The following SLC4A9 variants were observed in gnomAD, a reference collection of about 807,000 sequenced individuals.
SLC4A9 encodes the protein solute carrier family 4 member 9.
Under a neutral mutation model 103.2 loss-of-function variants are expected in SLC4A9, and 102 were observed. The observed-to-expected ratio is 0.99, with a 90% CI of 0.84 to 1.17. The LOEUF is 1.17. SLC4A9 is among the 50% of genes most tolerant of loss of function. SLC4A9 has a pLI of 0.00. For synonymous variants in SLC4A9, 453 were observed against 483.6 expected (o/e 0.94, Z 0.83); for missense variants, 1,091 against 1,193.7 (o/e 0.91, Z 1.27).
Position 140,363,376 on chromosome 5 carries a change from T to G in SLC4A9, c.963-63T>G. 6.9e-7 allele frequency: 1 copy of G among 1,459,214 alleles called. No homozygotes were observed. 90.4% of individuals were successfully genotyped at this position (1,459,214 alleles called of 1,614,324 possible). ...CGCTAGGGGGCAGGGCGCCACGAGC[T>G]CTGGACCGAGTCGCAGACTGGTTGG... On this transcript the variant is annotated intron_variant, in intron 7 of 21. Coordinates refer to ENST00000506757, the MANE Select transcript of SLC4A9 (RefSeq NM_031467.3). The surrounding 1 kb of genome is among the most constrained non-coding windows in gnomAD (Gnocchi z 4.5).
Position 140,372,815 on chromosome 5 carries a change from G to C in SLC4A9, c.*17G>C, listed in dbSNP as rs1222519269. 6.4e-7 allele frequency: 1 copy of C among 1,552,478 alleles called. No individual in the cohort carries two copies. Among genetic ancestry groups the C allele is most frequent in the Non-Finnish European group, 8.7e-7 (1 of 1,147,826 alleles). Reference sequence around the variant, plus strand: ...GTGAATTAGCTGGAGTAGGAGTCTGGGAGTGGAGACCCCAGGAAACAGCAT... The same window carrying C: ...GTGAATTAGCTGGAGTAGGAGTCTGCGAGTGGAGACCCCAGGAAACAGCAT... On this transcript the variant is annotated 3_prime_UTR_variant, in exon 21 of 22. Coordinates refer to ENST00000506757, the MANE Select transcript of SLC4A9 (RefSeq NM_031467.3).
rs534920993 is a variant in SLC4A9, at chr5:140,374,426, G to A, written c.*46-401G>A. ...AATACAAAAATTAGCTGGGTGTGGT[G>A]GCAGACACCTGTAATCCCAGCTACT... On this transcript the variant is annotated intron_variant, in intron 21 of 21. Transcript: ENST00000506757. 2.6e-5 allele frequency among the ~76,000 whole-genome samples: 4 copies of A among 151,612 alleles called. No individual in the cohort carries two copies. The East Asian group carries it at 7.8e-4, about 30-fold the overall frequency.
chr5:140,360,709 C>G, intron 1 of SLC4A9, 103 bp from the exon 2 acceptor site: 1 of 1,553,326 alleles, frequency 6.4e-7, no homozygotes, highest in Admixed American at 1.9e-5. Context: ...CCACTGGGCC[C>G]AGGATGCCCT....
intron 21 of SLC4A9, among the ~76,000 whole-genome samples, chr5:140,374,331 G>A (rs531278789): frequency 8.9e-4 from 135 of 152,082 alleles, no homozygotes; most frequent in African/African-American, 3.0e-3. Flanking sequence ...AGGCCGAGGC[G>A]GGTGGATTAC....
chr5:140,362,725 A>G (rs946875458), intron 6 of SLC4A9, among the ~76,000 whole-genome samples, 187 bp from the exon 7 acceptor site: 24 of 152,180 alleles, frequency 1.6e-4, no homozygotes, highest in African/African-American at 5.5e-4. Flanking sequence ...CCATTACTGG[A>G]TGAGTGCTGG....
intron 14 of SLC4A9, among the ~76,000 whole-genome samples, chr5:140,366,942 C>T (rs139880078): frequency 6.6e-6 from 1 of 152,346 alleles, no homozygotes; most frequent in African/African-American, 2.4e-5. Flanking sequence ...TCCCCCAAGA[C>T]AGGAGAGCAG....
At position 140,365,971 on chromosome 5, in the gene SLC4A9, C is replaced by T. The variant is rs751183381; in HGVS notation, c.1848C>T (p.Phe616=). The change falls in exon 13 of 22, where the codon TTC becomes TTT. Residue 616 remains phenylalanine, a synonymous_variant. Transcript: ENST00000506757. ...TTCTCCTCTTCCTTACTTCTTTCTTCTTTGCTATGGCCCTCAAGTGTGTAA... is the reference window on the plus strand; with the variant it reads ...TTCTCCTCTTCCTTACTTCTTTCTTTTTTGCTATGGCCCTCAAGTGTGTAA... The part of the protein sequence containing the change: ...FSLLLFLTSF[F]FAMALKCVKT... 6.2e-6 allele frequency: 10 copies of T among 1,614,056 alleles called. No individual in the cohort carries two copies. The South Asian group carries it at 9.9e-5, about 16-fold the overall frequency.
rs1767788394 is a variant in SLC4A9 at position 140,365,815 on chromosome 5, C to T, written c.1711-19C>T. 3.7e-6 allele frequency: 6 copies of T among 1,608,770 alleles called. No homozygotes were observed. The South Asian group carries it at 5.5e-5, about 15-fold the overall frequency. On this transcript the variant is annotated intron_variant, in intron 12 of 21. Coordinates refer to ENST00000506757, the MANE Select transcript of SLC4A9 (RefSeq NM_031467.3). Reference sequence around the variant, plus strand: ...TACTCCATTGCCTATAACTCCACTCCTGACCCTCCTGTGTACAGGACTTAG... The same window carrying T: ...TACTCCATTGCCTATAACTCCACTCTTGACCCTCCTGTGTACAGGACTTAG...
At position 140,367,849 on chromosome 5, in the gene SLC4A9, G is replaced by GC; in HGVS notation, c.2305_2306insC (p.Glu769AlafsTer67). The GC allele has an allele frequency of 6.2e-7, 1 of 1,614,014 alleles. No homozygotes were observed. Among genetic ancestry groups the GC allele is most frequent in the Non-Finnish European group, 8.5e-7 (1 of 1,179,886 alleles). Reference sequence around the variant, plus strand: ...GGCTCACATGGACAGTCTTCGGAGAGAGAGCAGAGCCTGTGCCCCCGGGGA... The same window carrying GC: ...GGCTCACATGGACAGTCTTCGGAGAGCAGAGCAGAGCCTGTGCCCCCGGGGA... On this transcript the variant is annotated frameshift_variant, in exon 16 of 22. Transcript: ENST00000506757. LOFTEE classifies it high-confidence loss of function.
Position 140,360,971 on chromosome 5 carries a change from G to T in SLC4A9, c.390G>T (p.Val130=), listed in dbSNP as rs2126737350. The T allele has an allele frequency of 6.4e-7, 1 of 1,570,640 alleles. No homozygotes were observed. The highest frequency in any genetic ancestry group is 1.2e-5 in the South Asian group (1 of 86,508). The change falls in exon 2 of 22, where the codon GTG becomes GTT. Residue 130 remains valine (V), a splice_region_variant and synonymous_variant. Transcript: ENST00000506757. ...DCPAQSLLEL[V]EQVTRVESLS... is the part of the protein sequence containing the mutation. Reference sequence around the variant, plus strand: ...CAGCTCAGAGCCTCCTGGAGCTCGTGGGTAGGCTGGGATCCTTTGCAGGAA... The same window carrying T: ...CAGCTCAGAGCCTCCTGGAGCTCGTTGGTAGGCTGGGATCCTTTGCAGGAA...
At chr5:140,372,155 A>C in intron 19 of SLC4A9, 87 bp from the exon 20 acceptor site, 18 of 1,200,430 alleles carry the variant, frequency 1.5e-5, no homozygotes, top group Non-Finnish European at 2.0e-5. Context: ...AATGCCTAGC[A>C]CATAGGAAGT....
At chr5:140,368,916 A>G (rs1768294899) in intron 17 of SLC4A9, among the ~76,000 whole-genome samples, 1 of 152,242 alleles carries the variant, frequency 6.6e-6, no homozygotes, top group South Asian at 2.1e-4. Flanking sequence ...TGAGAACTCA[A>G]ACGCTTATCC....
chr5:140,362,173 A>G lies in SLC4A9; in HGVS notation c.718A>G (p.Arg240Gly), dbSNP rs778690502. 2.0e-6 allele frequency: 3 copies of G among 1,528,992 alleles called. No homozygotes were observed. The highest frequency in any genetic ancestry group is 2.6e-6 in the Non-Finnish European group (3 of 1,144,902). The allele number at this position is 1,528,992 out of a possible 1,614,324, so 94.7% of individuals were successfully genotyped here. A position where few individuals can be genotyped will look rare whatever the true frequency, so the allele number is the denominator to read the frequency against. ...CCTTACTGAGGTGTCCCTCCCAAGC[A>G]GGTGAGGCTACTGAGTGAGTGGGAG... ...GSLTEVSLPSRFFCLLLGPCM... is the reference protein window; with the variant it reads ...GSLTEVSLPSGFFCLLLGPCM... The change falls in exon 5 of 22, where the codon AGG becomes GGG. Residue 240 changes from arginine to glycine, a missense_variant and splice_region_variant. By Grantham distance (125) the Arg-to-Gly change is moderately radical (BLOSUM62 -2). Transcript: ENST00000506757.
Position 140,363,480 on chromosome 5 carries a change from C to T in SLC4A9, c.1004C>T (p.Pro335Leu), listed in dbSNP as rs1002149515. Residue 335 changes from proline to leucine, a missense_variant, in exon 8 of 22, where the codon CCG becomes CTG. Coordinates refer to ENST00000506757, the MANE Select transcript of SLC4A9 (RefSeq NM_031467.3). This position sits in a 1 kb window ranked among gnomAD's most constrained non-coding sequence, Gnocchi z 4.5. The part of the protein sequence containing the change: ...QQREIRGPAV[P>L]RLTSAEDRHR... ...CGGGAGATCAGAGGTCCCGCCGTCC[C>T]GCGCCTGACCTCGGCTGAGGACAGG... The T allele has an allele frequency of 1.3e-6, 2 of 1,551,364 alleles. No individual in the cohort carries two copies. Among genetic ancestry groups the T allele is most frequent in the South Asian group, 2.4e-5 (2 of 84,094 alleles).
Position 140,366,142 on chromosome 5 carries a change from G to A in SLC4A9, c.1900-9G>A. On this transcript the variant is annotated splice_polypyrimidine_tract_variant and intron_variant, in intron 13 of 21. Transcript: ENST00000506757. ...GCCTGGACCTGACTGAGTGTCCACT[G>A]TGTGCCAGGTGCGCAAAGGGCTCAG... 6.2e-7 allele frequency: 1 copy of A among 1,612,832 alleles called. No homozygotes were observed.
chr5:140,369,324 A>C (rs1768358652), intron 17 of SLC4A9, among the ~76,000 whole-genome samples: 1 of 151,948 alleles, frequency 6.6e-6, no homozygotes, highest in African/African-American at 2.4e-5. Context: ...CAACAGAAAA[A>C]CTTTGAGGCA....
chr5:140,368,928 A>G (rs1265371856), intron 17 of SLC4A9, among the ~76,000 whole-genome samples: 1 of 152,206 alleles, frequency 6.6e-6, no homozygotes, highest in East Asian at 1.9e-4. Flanking sequence ...CGCTTATCCA[A>G]TGGGCTTTTT....
In SLC4A9 at chr5:140,364,613, C is replaced by T. The variant is rs77291049; in HGVS notation, c.1639C>T (p.Pro547Ser). The change falls in exon 11 of 22, where the codon CCA becomes TCA. Residue 547 changes from proline to serine, a missense_variant. Physicochemically the swap from Pro to Ser is moderately conservative, Grantham distance 74. Transcript: ENST00000506757. ...TGCCTACGGGTGCCTCTGCCAATAC[C>T]CAGGCCCAGGAGGTGGGTAAGGGAA... ...SSAYGCLCQY[P>S]GPGGNESQWI... The T allele has an allele frequency of 3.0e-4, 474 of 1,600,708 alleles. 1 individual carries two copies. The African/African-American group carries it at 5.2e-3, about 18-fold the overall frequency.
chr5:140,371,598 C>G lies in SLC4A9; in HGVS notation c.2644C>G (p.Pro882Ala). The change falls in exon 19 of 22, where the codon CCT becomes GCT. Residue 882 changes from proline (P) to alanine (A), a missense_variant. Transcript: ENST00000506757. ...GCTGCTTTGGATAATCAAGTCTACC[C>G]CTGCAGCCATCATCTTCCCCCTCAT... Reference protein sequence around the residue: ...LGLLWIIKSTPAAIIFPLMLL... With the variant: ...LGLLWIIKSTAAAIIFPLMLL... 1 of 1,614,050 alleles carries G rather than the reference C, an allele frequency of 6.2e-7. No individual in the cohort carries two copies. The highest frequency in any genetic ancestry group is 8.5e-7 in the Non-Finnish European group (1 of 1,179,904).
Sources: gnomAD v4.1 joint callset for allele counts (sites outside exome capture counted in the v4.1 genomes callset) on GRCh38, gnomAD v4.1.1 for gene constraint, Gnocchi (gnomAD v3.1) non-coding constraint, MANE v1.5 for transcripts, NCBI Gene and HGNC (gene_info 2026-07-23, HGNC 2026-07-21) for gene names.